MYO1D: variants seen among roughly 807,000 people sequenced by gnomAD.
MYO1D encodes the protein myosin ID.
A neutral mutation model predicts 122.0 loss-of-function variants in MYO1D; 83 were observed. The ratio of observed to expected loss-of-function variants is 0.68; its 90% CI spans 0.57 to 0.82. The LOEUF is 0.82. Ranked by LOEUF, MYO1D falls within the 40% of genes least tolerant of loss-of-function variation. The pLI is 0.00. For missense variants in MYO1D, 1,157 were observed against 1,269.5 expected, an observed-to-expected ratio of 0.91 and a Z score of 1.35; for synonymous variants, 464 against 446.9, an observed-to-expected ratio of 1.04 and a Z score of -0.48.
At chr17:32,767,885 G>T in intron 6 of MYO1D, 133 bp from the exon 7 acceptor site, 1 of 605,838 alleles carries the variant, frequency 1.7e-6, no homozygotes, top group Non-Finnish European at 2.9e-6. Context: ...AGTCTCCAGA[G>T]AAAATAAAAA....
chr17:32,690,487 T>C (rs958855984), intron 16 of MYO1D, among the ~76,000 whole-genome samples: 1 of 152,200 alleles, frequency 6.6e-6, no homozygotes, highest in Non-Finnish European at 1.5e-5. Flanking sequence ...GTGTTTATCA[T>C]TTTTATGTGT....
intron 16 of MYO1D, among the ~76,000 whole-genome samples, chr17:32,688,723 T>C (rs368095231): frequency 2.0e-5 from 3 of 152,078 alleles, no homozygotes; most frequent in African/African-American, 7.2e-5. Flanking sequence ...TTGTGGGTGA[T>C]TGAAGGGTTT....
In MYO1D at chr17:32,864,007, C is replaced by CTTTTTTTTTTTTTTTTTTTTTT. The variant is rs560953120; in HGVS notation, c.95+12749_95+12770dup. 4.1e-5 allele frequency among the ~76,000 whole-genome samples: 2 copies of CTTTTTTTTTTTTTTTTTTTTTT among 48,960 alleles called. 1 individual carries two copies. Among genetic ancestry groups the CTTTTTTTTTTTTTTTTTTTTTT allele is most frequent in the Non-Finnish European group, 7.0e-5 (2 of 28,654 alleles). 32.1% of individuals were successfully genotyped at this position (48,960 alleles called of 152,430 possible). On this transcript the variant is annotated intron_variant, in intron 1 of 21. Coordinates refer to ENST00000318217, the MANE Select transcript of MYO1D (RefSeq NM_015194.3). Reference sequence around the variant, plus strand: ...TAATTTTGGTTACAAACATTTCTTCCTTTTTTTTTTTTTTTTTTTTTTTTT... The same window carrying CTTTTTTTTTTTTTTTTTTTTTT: ...TAATTTTGGTTACAAACATTTCTTCCTTTTTTTTTTTTTTTTTTTTTTTTTTTTTTTTTTTTTTTTTTTTTTT...
intron 14 of MYO1D, among the ~76,000 whole-genome samples, chr17:32,730,072 CTTTTT>C (rs1481496315): frequency 1.4e-5 from 2 of 147,070 alleles, no homozygotes; most frequent in Admixed American, 6.7e-5. Context: ...TTTGTTTCTT[CTTTTT>C]TATGTTTTTG....
chr17:32,766,966 C>T (rs574974353), intron 7 of MYO1D, among the ~76,000 whole-genome samples: 1 of 152,166 alleles, frequency 6.6e-6, no homozygotes, highest in Non-Finnish European at 1.5e-5. Flanking sequence ...AAAGATCCTG[C>T]ACATTTCTGA....
chr17:32,658,680 C>T (rs546571093), intron 17 of MYO1D: 1 of 162,850 alleles, frequency 6.1e-6, no homozygotes, highest in Non-Finnish European at 1.3e-5. Context: ...AAACAGGACT[C>T]TCTGGTGGTA....
intron 1 of MYO1D, among the ~76,000 whole-genome samples, chr17:32,847,297 G>A (rs547263552): frequency 1.3e-5 from 2 of 152,100 alleles, no homozygotes; most frequent in Non-Finnish European, 2.9e-5. Flanking sequence ...TGAAAGTTAC[G>A]AGTGATTTTG....
chr17:32,530,609 T>C (rs1175244694), intron 21 of MYO1D, among the ~76,000 whole-genome samples: 1 of 152,152 alleles, frequency 6.6e-6, no homozygotes, highest in East Asian at 1.9e-4. Context: ...GAGATCAGCC[T>C]GGGCTACATG....
At chr17:32,718,657 G>A (rs747460849) in intron 15 of MYO1D, among the ~76,000 whole-genome samples, 3 of 151,878 alleles carry the variant, frequency 2.0e-5, no homozygotes, top group South Asian at 2.1e-4. Context: ...CTGAGATGGC[G>A]CCACTGTACT....
At chr17:32,702,264 T>A (rs935188913) in intron 16 of MYO1D, among the ~76,000 whole-genome samples, 1 of 152,214 alleles carries the variant, frequency 6.6e-6, no homozygotes, top group African/African-American at 2.4e-5. Flanking sequence ...TGTATATACA[T>A]TATGCCTGCA....
At chr17:32,808,886 A>G (rs1235597596) in intron 1 of MYO1D, among the ~76,000 whole-genome samples, 2 of 152,140 alleles carry the variant, frequency 1.3e-5, no homozygotes, top group African/African-American at 4.8e-5. Flanking sequence ...CTACTTTATG[A>G]TATTTTGTTA....
intron 14 of MYO1D, among the ~76,000 whole-genome samples, chr17:32,735,108 A>G: frequency 6.6e-6 from 1 of 151,522 alleles, no homozygotes; most frequent in Admixed American, 6.6e-5. Context: ...ACACACACAC[A>G]CACACACACA....
At chr17:32,587,079 C>G (rs2087393426) in intron 21 of MYO1D, among the ~76,000 whole-genome samples, 1 of 152,156 alleles carries the variant, frequency 6.6e-6, no homozygotes. Flanking sequence ...AGCAGTGCTC[C>G]TCTCTCATTT....
intron 15 of MYO1D, among the ~76,000 whole-genome samples, chr17:32,714,775 G>A (rs1347091507): frequency 3.3e-5 from 5 of 152,130 alleles, no homozygotes; most frequent in Admixed American, 2.0e-4. Flanking sequence ...AAGACTTCAT[G>A]ATGAAATCAC....
chr17:32,504,610 T>C (rs17806303), intron 21 of MYO1D: 15,919 of 152,266 alleles, frequency 0.1, 1,053 homozygotes, highest in Admixed American at 0.18. Context: ...TCTCACTCCT[T>C]AAATACTGCT....
rs767385284 is a variant in MYO1D at position 32,659,317 on chromosome 17, G to A, written c.2143C>T (p.Arg715Cys). 10 of 1,614,074 alleles carry A rather than the reference G, an allele frequency of 6.2e-6. No homozygotes were observed. The South Asian group carries it at 6.6e-5, about 11-fold the overall frequency. The change falls in exon 17 of 22, where the codon CGC becomes TGC. Residue 715 changes from arginine (R) to cysteine (C), a missense_variant. By Grantham distance (180) the Arg-to-Cys change is radical. Coordinates refer to ENST00000318217, the MANE Select transcript of MYO1D (RefSeq NM_015194.3). ...GCCTTGGTTCTTTTGTACCGCATGC[G>A]GGCCAGGGTGCCCCGCCACACCTTC... ...LQKVWRGTLA[R>C]MRYKRTKAAL...
chr17:32,595,033 T>A (rs1351667750), intron 21 of MYO1D, among the ~76,000 whole-genome samples: 2 of 152,200 alleles, frequency 1.3e-5, no homozygotes, highest in East Asian at 3.8e-4. Flanking sequence ...AGTTGCTGAT[T>A]TAATATCTTG....
chr17:32,568,373 C>T (rs1567892906), intron 21 of MYO1D, among the ~76,000 whole-genome samples: 1 of 152,160 alleles, frequency 6.6e-6, no homozygotes, highest in Non-Finnish European at 1.5e-5. Context: ...GTTTTCAAGG[C>T]AAGTATGTTT....
At chr17:32,500,475 T>C (rs891743980) in intron 21 of MYO1D, among the ~76,000 whole-genome samples, 12 of 152,174 alleles carry the variant, frequency 7.9e-5, no homozygotes, top group African/African-American at 2.9e-4. Context: ...GTTGCCTGGG[T>C]TACTACTTTT....
Sources: allele counts gnomAD v4.1 joint callset (sites outside exome capture counted in the v4.1 genomes callset), GRCh38; gene constraint gnomAD v4.1.1; transcripts MANE v1.5; gene names NCBI Gene and HGNC (gene_info 2026-07-23, HGNC 2026-07-21).